The following SMARCA4 variants were observed in gnomAD, a reference collection of about 807,000 sequenced individuals.
SMARCA4 encodes the protein SWI/SNF related BAF chromatin remodeling complex subunit ATPase 4, also known as SWI/SNF-related matrix-associated actin-dependent regulator of chromatin subfamily A member 4.
Under a neutral mutation model 193.9 loss-of-function variants are expected in SMARCA4, and 31 were observed. That is an observed-to-expected ratio of 0.16 (90% CI 0.12 to 0.22). The LOEUF is 0.22. Ranked by LOEUF, SMARCA4 falls within the 10% of genes least tolerant of loss-of-function variation. The pLI, the probability that SMARCA4 is intolerant of heterozygous loss-of-function variation, is 1.00. For synonymous variants in SMARCA4, 942 were observed against 933.1 expected (o/e 1.01, Z -0.17); for missense variants, 1,148 against 2,296.0 (o/e 0.50, Z 10.22).
intron 8 of SMARCA4, among the ~76,000 whole-genome samples, chr19:10,991,807 A>T (rs1039614044): frequency 4.6e-5 from 7 of 151,648 alleles, no homozygotes; most frequent in Non-Finnish European, 2.9e-5. Context: ...GAGCTGGAGG[A>T]AGGGAGCGCA....
At chr19:11,043,793 G>A (rs2075750869) in intron 30 of SMARCA4, among the ~76,000 whole-genome samples, 1 of 152,200 alleles carries the variant, frequency 6.6e-6, no homozygotes, top group Non-Finnish European at 1.5e-5. Context: ...GGCCAACATG[G>A]CAAAACCCCA....
intron 13 of SMARCA4, among the ~76,000 whole-genome samples, chr19:11,004,917 G>T (rs2088043247): frequency 6.6e-6 from 1 of 151,496 alleles, no homozygotes; most frequent in South Asian, 2.1e-4. Flanking sequence ...TCGGCTCACT[G>T]CAATCTCTGC....
At position 11,019,339 on chromosome 19, in the gene SMARCA4, G is replaced by A; in HGVS notation, c.2506-252G>A. The A allele has an allele frequency of 6.6e-6, 4 of 605,694 alleles. No homozygotes were observed. Among genetic ancestry groups the A allele is most frequent in the Non-Finnish European group, 1.2e-5 (4 of 339,680 alleles). 37.5% of individuals were successfully genotyped at this position (605,694 alleles called of 1,614,324 possible). On this transcript the variant is annotated intron_variant, in intron 17 of 34. Coordinates refer to ENST00000344626, the MANE Select transcript of SMARCA4 (RefSeq NM_003072.5). The surrounding 1 kb of genome is among the most constrained non-coding windows in gnomAD (Gnocchi z 6.1). ...CCACCAGGAATGTGCAGATGGCGGT[G>A]CAGGCTGCGTGGTTCCCTCAGGCCC...
intron 29 of SMARCA4, among the ~76,000 whole-genome samples, chr19:11,038,632 TCAC>T (rs1364051249): frequency 2.0e-5 from 3 of 152,156 alleles, no homozygotes; most frequent in Non-Finnish European, 4.4e-5. Flanking sequence ...TGCTGTCTGA[TCAC>T]CATCTTCCTT....
chr19:11,002,173 C>T (rs1832884792), intron 11 of SMARCA4, among the ~76,000 whole-genome samples: 1 of 152,076 alleles, frequency 6.6e-6, no homozygotes, highest in Non-Finnish European at 1.5e-5. Flanking sequence ...GGCTGGAGCA[C>T]AGAAGAATGG....
At chr19:11,023,703 T>C (rs1284457833) in intron 20 of SMARCA4, 72 bp downstream of exon 20, 6 of 911,184 alleles carry the variant, frequency 6.6e-6, no homozygotes, top group Non-Finnish European at 1.1e-5. Context: ...CTGGGCGTGC[T>C]CAGGGCCTCT....
At position 11,047,749 on chromosome 19, in the gene SMARCA4, C is replaced by A. The variant is rs1380985672; in HGVS notation, c.4424+6189C>A. 1.3e-5 allele frequency: 2 copies of A among 152,230 alleles called. 1 individual carries two copies. Among genetic ancestry groups the A allele is most frequent in the South Asian group, 4.1e-4 (2 of 4,822 alleles). 9.4% of individuals were successfully genotyped at this position (152,230 alleles called of 1,614,324 possible). ...TTACTGGGACTTGGTCACAAAGACA[C>A]AGCTGGCTACCCACGTGGCTGACCT... On this transcript the variant is annotated intron_variant, in intron 30 of 34. Transcript: ENST00000344626.
At chr19:10,993,648 G>C (rs1340806813) in intron 8 of SMARCA4, among the ~76,000 whole-genome samples, 1 of 151,792 alleles carries the variant, frequency 6.6e-6, no homozygotes, top group Non-Finnish European at 1.5e-5. Flanking sequence ...CCGGTGCTTA[G>C]TTTGTTTTTT....
Position 11,058,374 on chromosome 19 carries a change from C to T in SMARCA4, c.4533+11C>T, listed in dbSNP as rs374510330. On this transcript the variant is annotated intron_variant, in intron 31 of 34. Transcript: ENST00000344626. The surrounding 1 kb of genome is among the most constrained non-coding windows in gnomAD (Gnocchi z 5.8). Reference sequence around the variant, plus strand: ...TTCAAGAAGATAAAGGTAACCCTGACGTTGTACCTGCGCCCCGCATGTGCC... The same window carrying T: ...TTCAAGAAGATAAAGGTAACCCTGATGTTGTACCTGCGCCCCGCATGTGCC... The T allele has an allele frequency of 1.6e-5, 25 of 1,567,534 alleles. No homozygotes were observed. Among genetic ancestry groups the T allele is most frequent in the South Asian group, 4.4e-5 (4 of 90,270 alleles).
rs929284073 is a variant in SMARCA4 at position 10,994,422 on chromosome 19, C to CA, written c.1420-405dup. On this transcript the variant is annotated intron_variant, in intron 8 of 34. Coordinates refer to ENST00000344626, the MANE Select transcript of SMARCA4 (RefSeq NM_003072.5). The stretch of plus-strand genomic sequence containing the variant: ...CACTGCAAGCTCCGCCTCCCGGGTT[C>CA]ACGCCATTCTCCTGCCTCAGCCTCC... Among the ~76,000 whole-genome samples the CA allele has an allele frequency of 8.7e-5, 13 of 148,852 alleles. 1 individual carries two copies. The highest frequency in any genetic ancestry group is 4.4e-5 in the Non-Finnish European group (3 of 67,740).
In SMARCA4 at chr19:10,977,215, C is replaced by T. The variant is rs539492540; in HGVS notation, c.-31-6906C>T. Among the ~76,000 whole-genome samples the T allele has an allele frequency of 3.0e-4, 45 of 152,298 alleles. 1 individual carries two copies. In the Middle Eastern group the frequency reaches 0.014, roughly 46 times the overall value. ...CAGCCAGCTGCTTCTACCTGATGCG[C>T]GCCCAAGAGGGGAAGCCAGTCTGTT... On this transcript the variant is annotated intron_variant, in intron 1 of 34. Coordinates refer to ENST00000344626, the MANE Select transcript of SMARCA4 (RefSeq NM_003072.5).
chr19:10,991,845 C>T (rs2086588498), intron 8 of SMARCA4, among the ~76,000 whole-genome samples: 2 of 151,844 alleles, frequency 1.3e-5, no homozygotes, highest in South Asian at 2.1e-4. Flanking sequence ...TGATGCAGGG[C>T]CTTGCGAGCT....
At chr19:10,970,918 G>A (rs1397616274) in intron 1 of SMARCA4, among the ~76,000 whole-genome samples, 2 of 152,208 alleles carry the variant, frequency 1.3e-5, no homozygotes, top group African/African-American at 4.8e-5. Flanking sequence ...CGGAGTGTGG[G>A]CCAGGCACGG....
At position 10,987,049 on chromosome 19, in the gene SMARCA4, A is replaced by C; in HGVS notation, c.859+46A>C. On this transcript the variant is annotated intron_variant, in intron 5 of 34. Transcript: ENST00000344626. The surrounding 1 kb of genome is among the most constrained non-coding windows in gnomAD (Gnocchi z 5.3). The stretch of plus-strand genomic sequence containing the variant: ...TGGTGCACCCGTGCCCTTACTCCCC[A>C]TCTCAAGCTTGGGTCCTTGAGATGA... 7.2e-7 allele frequency: 1 copy of C among 1,392,590 alleles called. No individual in the cohort carries two copies. Among genetic ancestry groups the C allele is most frequent in the Non-Finnish European group, 1.0e-6 (1 of 992,852 alleles). The allele number at this position is 1,392,590 out of a possible 1,614,324, so 86.3% of individuals were successfully genotyped here.
intron 15 of SMARCA4, chr19:11,011,105 G>A (rs2088796929): frequency 5.1e-6 from 1 of 194,710 alleles, no homozygotes; most frequent in African/African-American, 2.3e-5. Context: ...TCACGAAACA[G>A]AGCTGCTCAT....
intron 15 of SMARCA4, chr19:11,012,225 T>C (rs546015350): frequency 6.5e-6 from 1 of 153,260 alleles, no homozygotes; most frequent in Non-Finnish European, 1.5e-5. Context: ...TACAAAAAAT[T>C]AGCTGGGCAT....
intron 30 of SMARCA4, among the ~76,000 whole-genome samples, chr19:11,056,929 C>T (rs1027922217): frequency 1.3e-5 from 2 of 152,206 alleles, no homozygotes; most frequent in Non-Finnish European, 2.9e-5. Context: ...CAAGACAAGG[C>T]GCACTCAGGA....
Position 11,041,005 on chromosome 19 carries a change from G to T in SMARCA4, c.4171-302G>T. The T allele has an allele frequency of 2.8e-6, 1 of 362,814 alleles. No homozygotes were observed. The highest frequency in any genetic ancestry group is 5.0e-6 in the Non-Finnish European group (1 of 199,954). The allele number at this position is 362,814 out of a possible 1,614,324, so 22.5% of individuals were successfully genotyped here. A position where few individuals can be genotyped will look rare whatever the true frequency, so the allele number is the denominator to read the frequency against. On this transcript the variant is annotated intron_variant, in intron 29 of 34. Coordinates refer to ENST00000344626, the MANE Select transcript of SMARCA4 (RefSeq NM_003072.5). This position sits in a 1 kb window ranked among gnomAD's most constrained non-coding sequence, Gnocchi z 5.6. ...TCACCTCCGGGTGAAGGGATTTCAG[G>T]AGCACGTTCTTTTCTGTACAGAGAA...
chr19:11,024,468 C>T, intron 21 of SMARCA4, 30 bp downstream of exon 21: 1 of 1,426,434 alleles, frequency 7.0e-7, no homozygotes, highest in Non-Finnish European at 9.9e-7. Context: ...AACTGCATTC[C>T]CCACTGGGTG....
Sources: gnomAD v4.1 joint callset for allele counts (sites outside exome capture counted in the v4.1 genomes callset) on GRCh38, gnomAD v4.1.1 for gene constraint, Gnocchi (gnomAD v3.1) non-coding constraint, MANE v1.5 for transcripts, NCBI Gene and HGNC (gene_info 2026-07-23, HGNC 2026-07-21) for gene names.